The following MZT2A variants were observed in gnomAD, a reference collection of about 807,000 sequenced individuals.
MZT2A encodes mitotic-spindle organizing protein 2A.
A neutral mutation model predicts 12.4 loss-of-function variants in MZT2A; 8 were observed. The observed-to-expected ratio is 0.64, with a 90% CI of 0.38 to 1.16. MZT2A has a LOEUF of 1.16. Among genes scored for constraint, MZT2A ranks in the 50% most tolerant of loss-of-function variants. The pLI, the probability that MZT2A is intolerant of heterozygous loss-of-function variation, is 0.01. For synonymous variants in MZT2A, 88 were observed against 107.5 expected (o/e 0.82, Z 1.12); for missense variants, 181 against 223.6 (o/e 0.81, Z 1.22).
At chr2:131,485,227 A>G (rs886536561) in intron 2 of MZT2A, among the ~76,000 whole-genome samples, 7 of 151,810 alleles carry the variant, frequency 4.6e-5, no homozygotes, top group Admixed American at 6.6e-5. Flanking sequence ...TCCCCCCAGC[A>G]TTTCCTTTGT....
At position 131,484,189 on chromosome 2, in the gene MZT2A, C is replaced by T. The variant is rs377112916; in HGVS notation, c.349G>A (p.Gly117Arg). 21 of 1,613,960 alleles carry T rather than the reference C, an allele frequency of 1.3e-5. No individual in the cohort carries two copies. Among genetic ancestry groups the T allele is most frequent in the Non-Finnish European group, 1.7e-5 (20 of 1,179,952 alleles). The stretch of plus-strand genomic sequence containing the variant: ...CTGCGTTCCGCCAGGGCCAATACTC[C>T]CCCGAGGGCAGCGCTGCCTTTGTCT... ...GRDKGSAALGGVLALAERSNH... is the reference protein window; with the variant it reads ...GRDKGSAALGRVLALAERSNH... Residue 117 changes from glycine (G) to arginine (R), a missense_variant, in exon 3 of 3, where the codon GGA becomes AGA. Coordinates refer to ENST00000309451, the MANE Select transcript of MZT2A (RefSeq NM_001085365.2).
chr2:131,485,862 G>A (rs577707887), intron 2 of MZT2A, among the ~76,000 whole-genome samples: 141 of 152,036 alleles, frequency 9.3e-4, no homozygotes, highest in African/African-American at 3.0e-3. Context: ...AGACTCCTGT[G>A]TCTGAGATGC....
At chr2:131,488,030 G>A (rs1486517336) in intron 2 of MZT2A, among the ~76,000 whole-genome samples, 3 of 152,140 alleles carry the variant, frequency 2.0e-5, no homozygotes, top group Non-Finnish European at 4.4e-5. Context: ...GCCTCCCAAG[G>A]TGTGGTGGGT....
chr2:131,482,807 G>T (rs1678906581), downstream of MZT2A: 24 of 1,613,504 alleles, frequency 1.5e-5, no homozygotes, highest in Non-Finnish European at 1.9e-5. Flanking sequence ...GGTGGGCGTG[G>T]ATTCCGTGGA....
downstream of MZT2A, among the ~76,000 whole-genome samples, chr2:131,482,240 A>C (rs915867578): frequency 3.9e-5 from 6 of 152,296 alleles, no homozygotes; most frequent in Admixed American, 3.3e-4. Flanking sequence ...TCTACAAAGA[A>C]GACAAGCAGC....
downstream of MZT2A, chr2:131,479,550 A>G: frequency 6.4e-7 from 1 of 1,570,620 alleles, no homozygotes. Flanking sequence ...CACTTAGACC[A>G]GCATCTTGGC....
At chr2:131,476,084 C>T (rs998556230) in intron 2 of MZT2A, 79 of 1,535,944 alleles carry the variant, frequency 5.1e-5, no homozygotes, top group Non-Finnish European at 6.8e-5. Flanking sequence ...GGCCTGGCAC[C>T]GGCGGGCCAA....
chr2:131,488,232 T>A (rs1679133164), intron 2 of MZT2A, among the ~76,000 whole-genome samples: 1 of 152,148 alleles, frequency 6.6e-6, no homozygotes, highest in Admixed American at 6.5e-5. Flanking sequence ...ACGTATAGTT[T>A]CCCTAAACTT....
chr2:131,476,934 G>A (rs1490226330), intron 2 of MZT2A, among the ~76,000 whole-genome samples: 2,287 of 121,884 alleles, frequency 0.019, 130 homozygotes, highest in African/African-American at 0.086. Flanking sequence ...CTGCCTCAAA[G>A]ACACAAACAA....
chr2:131,472,057 G>A (rs149446685), intron 3 of MZT2A: 18,923 of 1,282,996 alleles, frequency 0.015, 207 homozygotes, highest in African/African-American at 0.053. Flanking sequence ...ACCCAGAACC[G>A]AACTGCCTAC....
chr2:131,476,445 C>T (rs1678669690), intron 2 of MZT2A, among the ~76,000 whole-genome samples: 1 of 152,140 alleles, frequency 6.6e-6, no homozygotes. Context: ...GACGGTGTCC[C>T]GTCCCCCAGA....
In MZT2A at chr2:131,484,022, T is replaced by C; in HGVS notation, c.*39A>G. 1 of 1,576,468 alleles carries C rather than the reference T, an allele frequency of 6.3e-7. No individual in the cohort carries two copies. The highest frequency in any genetic ancestry group is 1.1e-5 in the South Asian group (1 of 87,518). On this transcript the variant is annotated 3_prime_UTR_variant, in exon 3 of 3. Coordinates refer to ENST00000309451, the MANE Select transcript of MZT2A (RefSeq NM_001085365.2). ...CAACTGAAGGAGGTAACATGTAGCCTTTGCTGGGGACAAAGATGTGACAAG... is the reference window on the plus strand; with the variant it reads ...CAACTGAAGGAGGTAACATGTAGCCCTTGCTGGGGACAAAGATGTGACAAG...
downstream of MZT2A, among the ~76,000 whole-genome samples, chr2:131,481,952 C>T (rs1230640333): frequency 6.6e-6 from 1 of 152,230 alleles, no homozygotes; most frequent in Non-Finnish European, 1.5e-5. Context: ...TCATGTTATG[C>T]CCGAGTTCTG....
At chr2:131,478,056 G>A (rs951074275) in intron 2 of MZT2A, 13 of 1,439,910 alleles carry the variant, frequency 9.0e-6, no homozygotes, top group Admixed American at 4.9e-5. Context: ...TTGTGAAAGC[G>A]CCAGATACTG....
chr2:131,480,278 G>A (rs779820681), downstream of MZT2A: 37 of 1,613,812 alleles, frequency 2.3e-5, no homozygotes, highest in East Asian at 8.2e-4. Context: ...ACACGACCCT[G>A]GAACATTCTG....
downstream of MZT2A, among the ~76,000 whole-genome samples, chr2:131,479,631 G>A (rs1338754918): frequency 1.3e-5 from 2 of 152,158 alleles, no homozygotes; most frequent in Admixed American, 1.3e-4. Flanking sequence ...CCTGAGGTCA[G>A]GAGTTTGAGA....
downstream of MZT2A, chr2:131,482,750 T>A (rs370957150): frequency 3.1e-5 from 50 of 1,614,018 alleles, 1 homozygote; most frequent in South Asian, 4.9e-4. Context: ...GGGAGAGTTC[T>A]CTGAGGCCCG....
intron 2 of MZT2A, among the ~76,000 whole-genome samples, chr2:131,474,543 G>A (rs1487034299): frequency 6.6e-6 from 1 of 150,764 alleles, no homozygotes; most frequent in African/African-American, 2.4e-5. Flanking sequence ...CCAAGTAGCT[G>A]GGACTATAGG....
At position 131,492,230 on chromosome 2, in the gene MZT2A, G is replaced by T. The variant is rs760207026; in HGVS notation, c.147C>A (p.Gly49=). ...ACTTGAACACGTCGGGGTCGATACC[G>T]CCGCCCGCCGCCTGAGCCAGCTCGT... is the stretch of plus-strand genomic sequence containing the variant. ...ELYELAQAAG[G]GIDPDVFKIL... is the part of the protein sequence containing the mutation. Residue 49 remains glycine (G), a synonymous_variant, in exon 1 of 3, where the codon GGC becomes GGA. Transcript: ENST00000309451. 7 of 1,582,146 alleles carry T rather than the reference G, an allele frequency of 4.4e-6. No homozygotes were observed.
Sources: gnomAD v4.1 joint callset for allele counts (sites outside exome capture counted in the v4.1 genomes callset) on GRCh38, gnomAD v4.1.1 for gene constraint, MANE v1.5 for transcripts, NCBI Gene and HGNC (gene_info 2026-07-23, HGNC 2026-07-21) for gene names.